The following WDR27 variants were observed in gnomAD, a reference collection of about 807,000 sequenced individuals.
The protein encoded by WDR27 is WD repeat domain 27.
In WDR27, 100 loss-of-function variants were observed where a neutral mutation model predicts 114.4. The ratio of observed to expected loss-of-function variants is 0.87; its 90% CI spans 0.74 to 1.03. The LOEUF is 1.03. WDR27 is among the 50% of genes least tolerant of loss of function. WDR27 has a pLI of 0.00. For synonymous variants in WDR27, 449 were observed against 423.1 expected (o/e 1.06, Z -0.75); for missense variants, 1,129 against 1,092.9 (o/e 1.03, Z -0.47).
intron 25 of WDR27, among the ~76,000 whole-genome samples, chr6:169,527,458 T>C (rs1019545921): frequency 3.3e-5 from 5 of 152,210 alleles, no homozygotes; most frequent in African/African-American, 1.2e-4. Flanking sequence ...CAGTGGTTGC[T>C]AGATGATTCG....
chr6:169,611,140 G>A (rs1440240725), intron 22 of WDR27, among the ~76,000 whole-genome samples: 1 of 152,118 alleles, frequency 6.6e-6, no homozygotes, highest in Non-Finnish European at 1.5e-5. Flanking sequence ...GTTGCTCTGA[G>A]TAAGTCACTG....
Position 169,647,787 on chromosome 6 carries a change from C to A in WDR27, c.1643G>T (p.Cys548Phe). ...AAAPTCTRVC[C>F]IQYSGDGQWL... The stretch of plus-strand genomic sequence containing the variant: ...ACGTGGCGCACCTGAGTACTGGATG[C>A]AGCATACACGTGTGCAGGTGGGGGC... Residue 548 changes from cysteine to phenylalanine, a missense_variant, in exon 16 of 26, where the codon TGC becomes TTC. Cys to Phe is a radical substitution (Grantham distance 205). Coordinates refer to ENST00000448612, the MANE Select transcript of WDR27 (RefSeq NM_182552.5). 6.3e-7 allele frequency: 1 copy of A among 1,582,590 alleles called. No homozygotes were observed. The highest frequency in any genetic ancestry group is 1.8e-5 in the Admixed American group (1 of 55,670).
intron 23 of WDR27, among the ~76,000 whole-genome samples, chr6:169,601,388 T>C (rs1807948385): frequency 6.6e-6 from 1 of 152,196 alleles, no homozygotes; most frequent in African/African-American, 2.4e-5. Flanking sequence ...CCAATAACTA[T>C]TCAGGAATGA....
chr6:169,655,044 G>A (rs974924851), intron 13 of WDR27, among the ~76,000 whole-genome samples: 1 of 152,198 alleles, frequency 6.6e-6, no homozygotes, highest in African/African-American at 2.4e-5. Context: ...TGGTGGGTTC[G>A]CCTTCTCTCT....
chr6:169,591,855 T>G (rs758846779), intron 23 of WDR27, among the ~76,000 whole-genome samples: 1 of 151,624 alleles, frequency 6.6e-6, no homozygotes, highest in Non-Finnish European at 1.5e-5. Context: ...ACCCTTTGAT[T>G]TCTTTTCTCT....
intron 25 of WDR27, among the ~76,000 whole-genome samples, chr6:169,527,525 TCAAGTGTCC>T (rs1421318486): frequency 6.6e-6 from 1 of 152,192 alleles, no homozygotes; most frequent in Non-Finnish European, 1.5e-5. Context: ...TCAGGGTGAT[TCAAGTGTCC>T]CAGAATTAAA....
At chr6:169,567,991 C>T (rs966108744) in intron 25 of WDR27, among the ~76,000 whole-genome samples, 5 of 152,222 alleles carry the variant, frequency 3.3e-5, no homozygotes, top group Non-Finnish European at 7.3e-5. Flanking sequence ...AGAAAAGCAG[C>T]ATCTGTGTTC....
chr6:169,688,673 A>AT (rs1386340510), intron 2 of WDR27, 144 bp downstream of exon 2: 6 of 369,510 alleles, frequency 1.6e-5, no homozygotes, highest in Non-Finnish European at 2.8e-5. Context: ...AAAATAAAAA[A>AT]ATATATATAA....
At chr6:169,483,696 AACACACACACACAGAC>A (rs1202213733) in intron 25 of WDR27, among the ~76,000 whole-genome samples, 2 of 151,096 alleles carry the variant, frequency 1.3e-5, no homozygotes, top group Non-Finnish European at 3.0e-5. Context: ...GGCAAACACA[AACACACACACACAGAC>A]ACACACACAC....
At position 169,697,165 on chromosome 6, in the gene WDR27, CAAT is replaced by C. The variant is rs1786332695; in HGVS notation, c.-8+4383_-8+4385del. ...AGTTTGTAGCAATTACTCTTTATTC[CAAT>C]ATTATAATAATACTCGCTCTATAAT... On this transcript the variant is annotated intron_variant, in intron 1 of 25. Transcript: ENST00000448612. 2.0e-5 allele frequency among the ~76,000 whole-genome samples: 3 copies of C among 152,112 alleles called. No homozygotes were observed. In the South Asian group the frequency reaches 6.2e-4, roughly 32 times the overall value.
chr6:169,433,232 C>T, the WDR27 span, among the ~76,000 whole-genome samples: 1 of 152,100 alleles, frequency 6.6e-6, no homozygotes, highest in South Asian at 2.1e-4. Context: ...CAGGGGTCTC[C>T]CTCCCCTTGC....
chr6:169,521,057 T>A (rs1794317564), intron 25 of WDR27, among the ~76,000 whole-genome samples: 1 of 152,030 alleles, frequency 6.6e-6, no homozygotes, highest in African/African-American at 2.4e-5. Context: ...ATCAAACCGA[T>A]TTCACTCAAA....
chr6:169,441,309 C>T, the WDR27 span, among the ~76,000 whole-genome samples: 3 of 151,940 alleles, frequency 2.0e-5, no homozygotes, highest in Admixed American at 1.3e-4. Context: ...GACAATTAAA[C>T]CTAATTTCAA....
intron 4 of WDR27, chr6:169,669,493 A>G (rs1778143751): frequency 6.6e-6 from 1 of 152,158 alleles, no homozygotes; most frequent in African/African-American, 2.4e-5. Flanking sequence ...TTCAAACACT[A>G]ACAGTTTTCT....
At chr6:169,481,771 A>T (rs1006962374) in intron 25 of WDR27, among the ~76,000 whole-genome samples, 3 of 147,616 alleles carry the variant, frequency 2.0e-5, no homozygotes, top group Non-Finnish European at 3.0e-5. Context: ...TCCTTAAAGA[A>T]CTGTAACACT....
intron 1 of WDR27, among the ~76,000 whole-genome samples, chr6:169,693,789 A>T (rs1480365548): frequency 6.6e-6 from 1 of 152,216 alleles, no homozygotes; most frequent in African/African-American, 2.4e-5. Context: ...CAATAGGAAA[A>T]TATCACAATC....
intron 25 of WDR27, among the ~76,000 whole-genome samples, chr6:169,552,010 T>C (rs2128104236): frequency 6.6e-6 from 1 of 152,244 alleles, no homozygotes; most frequent in African/African-American, 2.4e-5. Context: ...TCCCGTGGGT[T>C]CCGTCCCACG....
intron 25 of WDR27, among the ~76,000 whole-genome samples, chr6:169,569,890 GACCAAA>G (rs528119994): frequency 0.016 from 2,462 of 152,168 alleles, 63 homozygotes; most frequent in African/African-American, 0.057. Context: ...ATTGTTTAAC[GACCAAA>G]GATTTCACCC....
intron 13 of WDR27, among the ~76,000 whole-genome samples, chr6:169,654,831 A>C (rs915827447): frequency 1.3e-5 from 2 of 151,954 alleles, no homozygotes; most frequent in African/African-American, 2.4e-5. Flanking sequence ...GCTCAGAAGG[A>C]GGCGGCTCGC....
Sources: gnomAD v4.1 joint callset for allele counts (sites outside exome capture counted in the v4.1 genomes callset) on GRCh38, gnomAD v4.1.1 for gene constraint, MANE v1.5 for transcripts, NCBI Gene and HGNC (gene_info 2026-07-23, HGNC 2026-07-21) for gene names.